The following LCORL variants were observed in gnomAD, a reference collection of about 807,000 sequenced individuals.
LCORL encodes ligand-dependent nuclear receptor corepressor-like protein.
In LCORL, 41 loss-of-function variants were observed where a neutral mutation model predicts 141.8. That is an observed-to-expected ratio of 0.29 (90% CI 0.23 to 0.38). The LOEUF is 0.38. Ranked by LOEUF, LCORL falls within the 10% of genes least tolerant of loss-of-function variation. The probability of loss-of-function intolerance (pLI) is 1.00; values close to 1 mark genes in which losing one functional copy is unlikely to be tolerated. For synonymous variants in LCORL, 618 were observed against 694.1 expected, an observed-to-expected ratio of 0.89 and a Z score of 1.72; for missense variants, 1,759 against 2,035.0, an observed-to-expected ratio of 0.86 and a Z score of 2.61.
intron 4 of LCORL, among the ~76,000 whole-genome samples, chr4:17,935,045 T>G (rs1419068612): frequency 2.0e-5 from 3 of 151,846 alleles, no homozygotes; most frequent in African/African-American, 7.3e-5. Flanking sequence ...CAGTTCTGAC[T>G]AAAAAAAAGT....
At chr4:17,894,368 T>C (rs1729562756) in intron 5 of LCORL, among the ~76,000 whole-genome samples, 1 of 152,208 alleles carries the variant, frequency 6.6e-6, no homozygotes, top group African/African-American at 2.4e-5. Context: ...TAACTCAAAC[T>C]TGGATTTCAC....
chr4:17,868,835 C>A (rs758876167), intron 7 of LCORL, among the ~76,000 whole-genome samples: 12 of 152,166 alleles, frequency 7.9e-5, no homozygotes, highest in Non-Finnish European at 1.6e-4. Flanking sequence ...CACCTTTCTC[C>A]AGGCTTACAT....
At chr4:17,955,445 T>C (rs1307175522) in intron 4 of LCORL, among the ~76,000 whole-genome samples, 4 of 152,204 alleles carry the variant, frequency 2.6e-5, no homozygotes, top group Non-Finnish European at 4.4e-5. Flanking sequence ...ACACCTACTG[T>C]GTGCTAGTTC....
intron 1 of LCORL, among the ~76,000 whole-genome samples, chr4:17,976,969 G>A (rs1014779815): frequency 6.6e-6 from 1 of 152,068 alleles, no homozygotes. Context: ...TAAATCTGCG[G>A]AATTATTTTG....
chr4:17,899,364 CA>C (rs534037461), intron 5 of LCORL, among the ~76,000 whole-genome samples: 2 of 146,034 alleles, frequency 1.4e-5, no homozygotes, highest in Non-Finnish European at 1.5e-5. Flanking sequence ...GGGGGCAAGC[CA>C]AAAAAAAACA....
chr4:17,883,978 T>C (rs949986872), intron 6 of LCORL: 4 of 1,550,776 alleles, frequency 2.6e-6, no homozygotes, highest in African/African-American at 1.4e-5. Flanking sequence ...GGCCACGTTT[T>C]TTCCTGGGCT....
intron 4 of LCORL, among the ~76,000 whole-genome samples, chr4:17,952,339 G>T (rs912208011): frequency 6.0e-5 from 9 of 149,984 alleles, no homozygotes; most frequent in Non-Finnish European, 1.0e-4. Flanking sequence ...AATACAGAAA[G>T]AAATTATTTA....
chr4:17,933,376 T>A (rs551448812), intron 4 of LCORL, among the ~76,000 whole-genome samples: 1 of 152,242 alleles, frequency 6.6e-6, no homozygotes, highest in Non-Finnish European at 1.5e-5. Context: ...TCTACCTTTT[T>A]ACCATTTTAT....
rs1416422857 is a variant in LCORL, at chr4:18,021,033, C to T, written c.154+565G>A. Among the ~76,000 whole-genome samples, 1 of 152,122 alleles carries T rather than the reference C, an allele frequency of 6.6e-6. No homozygotes were observed. The highest frequency in any genetic ancestry group is 1.5e-5 in the Non-Finnish European group (1 of 67,986). ...GGACGACGCCCCCGCCGCCCCTCGC[C>T]CCCAGCCGGCCCATCAGCGGCCCCC... On this transcript the variant is annotated intron_variant, in intron 1 of 7. Transcript: ENST00000635767. This position sits in a 1 kb window ranked among gnomAD's most constrained non-coding sequence, Gnocchi z 5.5.
intron 7 of LCORL, among the ~76,000 whole-genome samples, chr4:17,860,241 C>T (rs1295061507): frequency 6.6e-6 from 1 of 152,146 alleles, no homozygotes; most frequent in Non-Finnish European, 1.5e-5. Context: ...TCCATTTTCA[C>T]ACTGTTGATA....
intron 2 of LCORL, among the ~76,000 whole-genome samples, chr4:17,969,723 T>C (rs1715578523): frequency 6.6e-6 from 1 of 152,182 alleles, no homozygotes; most frequent in Non-Finnish European, 1.5e-5. Context: ...CTTTGTTCAT[T>C]CGTAAACTCA....
At chr4:18,009,641 G>T (rs994481322) in intron 1 of LCORL, among the ~76,000 whole-genome samples, 3 of 151,866 alleles carry the variant, frequency 2.0e-5, no homozygotes, top group African/African-American at 7.3e-5. Context: ...CTACCCCCTG[G>T]TATCTACTGG....
intron 6 of LCORL, among the ~76,000 whole-genome samples, chr4:17,878,755 T>C (rs980344811): frequency 6.6e-6 from 1 of 151,352 alleles, no homozygotes; most frequent in Non-Finnish European, 1.5e-5. Flanking sequence ...AAGATTAAGC[T>C]GCAGGCGTTA....
intron 5 of LCORL, chr4:17,893,202 C>A: frequency 4.6e-6 from 1 of 218,780 alleles, no homozygotes; most frequent in Non-Finnish European, 7.8e-6. Context: ...CCTACCCCTA[C>A]TACCATAACT....
chr4:17,998,165 C>T (rs1049998927), intron 1 of LCORL, among the ~76,000 whole-genome samples: 3 of 151,944 alleles, frequency 2.0e-5, no homozygotes, highest in Non-Finnish European at 4.4e-5. Flanking sequence ...AAATAGTATA[C>T]CTGTATAGGG....
At chr4:17,998,782 T>A (rs1721316874) in intron 1 of LCORL, among the ~76,000 whole-genome samples, 1 of 150,588 alleles carries the variant, frequency 6.6e-6, no homozygotes, top group Admixed American at 6.6e-5. Context: ...CTGGGCAACA[T>A]AACGAAACCC....
chr4:17,887,563 T>G (rs1008933599), intron 5 of LCORL, among the ~76,000 whole-genome samples: 1 of 152,164 alleles, frequency 6.6e-6, no homozygotes, highest in East Asian at 1.9e-4. Context: ...GTCAGAGGAA[T>G]AGCAAAGGCC....
chr4:17,963,073 T>C (rs1238851506), intron 2 of LCORL, 24 bp from the exon 3 acceptor site: 1 of 1,299,498 alleles, frequency 7.7e-7, no homozygotes, highest in Non-Finnish European at 1.1e-6. Flanking sequence ...AAAAAATTCA[T>C]TAAATATACT....
At chr4:17,946,778 T>A (rs553969732) in intron 4 of LCORL, among the ~76,000 whole-genome samples, 1 of 152,046 alleles carries the variant, frequency 6.6e-6, no homozygotes, top group Admixed American at 6.6e-5. Context: ...TTAGGAAACA[T>A]AACATCTTTT....
Sources: allele counts gnomAD v4.1 joint callset (sites outside exome capture counted in the v4.1 genomes callset), GRCh38; gene constraint gnomAD v4.1.1; non-coding constraint Gnocchi (gnomAD v3.1); transcripts MANE v1.5; gene names NCBI Gene and HGNC (gene_info 2026-07-23, HGNC 2026-07-21).